NCOR1: variants seen among roughly 807,000 people sequenced by gnomAD.
The protein encoded by NCOR1 is protein phosphatase 1, regulatory subunit 109.
A neutral mutation model predicts 288.1 loss-of-function variants in NCOR1; 63 were observed. The observed-to-expected ratio is 0.22, with a 90% confidence interval of 0.18 to 0.27. The LOEUF is 0.27. NCOR1 is among the 10% of genes least tolerant of loss of function. NCOR1 has a pLI of 1.00. For missense variants in NCOR1, 2,397 were observed against 3,019.2 expected (o/e 0.79, Z 4.83); for synonymous variants, 1,007 against 1,065.9 (o/e 0.94, Z 1.08).
chr17:16,119,255 T>C (rs554022504), intron 17 of NCOR1, among the ~76,000 whole-genome samples, 168 bp downstream of exon 17: 6 of 152,316 alleles, frequency 3.9e-5, no homozygotes, highest in East Asian at 1.9e-4. Flanking sequence ...GGGTACTTTA[T>C]TGGGTACCAT....
chr17:16,101,764 AAGG>A lies in NCOR1; in HGVS notation c.2183-10_2183-8del, dbSNP rs779709106. On this transcript the variant is annotated splice_polypyrimidine_tract_variant and splice_region_variant and intron_variant, in intron 19 of 45. Coordinates refer to ENST00000268712, the MANE Select transcript of NCOR1 (RefSeq NM_006311.4). ...CTGGGCTTGACAGCTTCAACTGGTG[AAGG>A]AGAAGGAGCACTTTCTGTATCAGAA... is the stretch of plus-strand genomic sequence containing the variant. 2 of 1,613,978 alleles carry A rather than the reference AAGG, an allele frequency of 1.2e-6. No individual in the cohort carries two copies. The highest frequency in any genetic ancestry group is 1.3e-5 in the African/African-American group (1 of 74,932).
chr17:16,127,660 CATATATGTAT>C (rs2074874103), intron 14 of NCOR1, among the ~76,000 whole-genome samples: 1 of 139,492 alleles, frequency 7.2e-6, no homozygotes. Context: ...TGTATATATA[CATATATGTAT>C]ATATGTGTAT....
intron 14 of NCOR1, among the ~76,000 whole-genome samples, chr17:16,129,876 A>G (rs2153224035): frequency 6.6e-6 from 1 of 152,338 alleles, no homozygotes; most frequent in Non-Finnish European, 1.5e-5. Context: ...TTCTGCTTCT[A>G]ATGCCAATCA....
intron 10 of NCOR1, among the ~76,000 whole-genome samples, chr17:16,144,293 T>C (rs1307869044): frequency 6.6e-6 from 1 of 152,220 alleles, no homozygotes; most frequent in Non-Finnish European, 1.5e-5. Flanking sequence ...TTACTCACTG[T>C]CATGTCCAAA....
intron 3 of NCOR1, among the ~76,000 whole-genome samples, chr17:16,176,896 T>C (rs7220699): frequency 0.05 from 7,569 of 152,076 alleles, 282 homozygotes; most frequent in African/African-American, 0.094. Context: ...AAGATATGTT[T>C]TATCAATCTG....
chr17:16,181,556 A>T (rs1275308433), intron 3 of NCOR1, among the ~76,000 whole-genome samples: 1 of 152,180 alleles, frequency 6.6e-6, no homozygotes, highest in Admixed American at 6.6e-5. Context: ...TAAAGTTAAT[A>T]CAATTGTATT....
At chr17:16,158,602 C>T (rs1302180472) in intron 6 of NCOR1, among the ~76,000 whole-genome samples, 158 bp downstream of exon 6, 2 of 151,948 alleles carry the variant, frequency 1.3e-5, no homozygotes, top group African/African-American at 4.8e-5. Flanking sequence ...AGGAAAAAAA[C>T]ACCAAGCTTC....
chr17:16,201,851 A>T (rs2090855107), intron 1 of NCOR1, among the ~76,000 whole-genome samples: 1 of 152,218 alleles, frequency 6.6e-6, no homozygotes, highest in Non-Finnish European at 1.5e-5. Context: ...GCACTTTGGG[A>T]GGCAGAGGCA....
chr17:16,035,621 A>G (rs1342567767), intron 44 of NCOR1, among the ~76,000 whole-genome samples: 2 of 150,692 alleles, frequency 1.3e-5, no homozygotes, highest in African/African-American at 4.9e-5. Context: ...CCAGCTCACT[A>G]AAGCCTCAAC....
At chr17:16,112,251 C>G (rs562701320) in intron 18 of NCOR1, among the ~76,000 whole-genome samples, 2 of 152,310 alleles carry the variant, frequency 1.3e-5, no homozygotes, top group African/African-American at 4.8e-5. Flanking sequence ...CTCCTGAAGT[C>G]AAGTCTTTAT....
At chr17:16,094,621 G>C (rs964652476) in intron 21 of NCOR1, among the ~76,000 whole-genome samples, 4 of 151,936 alleles carry the variant, frequency 2.6e-5, no homozygotes, top group African/African-American at 9.7e-5. Context: ...CCGAGCCAAA[G>C]CTGGACTGTG....
Position 16,091,016 on chromosome 17 carries a change from A to G in NCOR1, c.3016+847T>C, listed in dbSNP as rs78137221. Among the ~76,000 whole-genome samples the G allele has an allele frequency of 6.5e-3, 985 of 152,334 alleles. 14 individuals are homozygous for G. The highest frequency in any genetic ancestry group is 0.023 in the African/African-American group (952 of 41,582). ...CATTCTTAACCAGAAACATGTGCCA[A>G]TTCTTCTAACCATGTCAGAAGAATG... On this transcript the variant is annotated intron_variant, in intron 22 of 45. Transcript: ENST00000268712.
At chr17:16,122,812 T>G (rs908732194) in intron 15 of NCOR1, among the ~76,000 whole-genome samples, 4 of 152,160 alleles carry the variant, frequency 2.6e-5, no homozygotes, top group African/African-American at 7.2e-5. Context: ...AATTTTTGTA[T>G]TTTTTGCAGA....
intron 1 of NCOR1, among the ~76,000 whole-genome samples, chr17:16,214,630 A>G (rs1015018114): frequency 7.2e-5 from 11 of 152,174 alleles, no homozygotes; most frequent in Admixed American, 1.3e-4. Flanking sequence ...GTTTTCGTCC[A>G]TATCACTTAT....
chr17:16,177,223 TATC>T (rs1847843136), intron 3 of NCOR1, among the ~76,000 whole-genome samples: 1 of 152,078 alleles, frequency 6.6e-6, no homozygotes. Context: ...CTGGCTGTCT[TATC>T]ATTTTGTTTT....
intron 20 of NCOR1, among the ~76,000 whole-genome samples, 199 bp downstream of exon 20, chr17:16,101,051 A>T (rs2067531352): frequency 1.3e-5 from 2 of 152,246 alleles, no homozygotes; most frequent in Admixed American, 1.3e-4. Context: ...AGAAATGTAT[A>T]ATCTGTTTCA....
intron 11 of NCOR1, among the ~76,000 whole-genome samples, chr17:16,141,407 C>G (rs1281976830): frequency 6.6e-6 from 1 of 152,116 alleles, no homozygotes; most frequent in Admixed American, 6.5e-5. Flanking sequence ...TAAGAACAAT[C>G]TGAGAAGTAA....
Position 16,067,944 on chromosome 17 carries a change from A to T in NCOR1, c.4691T>A (p.Leu1564Gln). 1 of 1,614,220 alleles carries T rather than the reference A, an allele frequency of 6.2e-7. No individual in the cohort carries two copies. The highest frequency in any genetic ancestry group is 1.7e-4 in the Middle Eastern group (1 of 6,042). ...CATGGCTGGATCCAAGTGCGTGGGC[A>T]GGTGGCTCCGATAAACCTCGCCTGC... ...STAGEVYRSH[L>Q]PTHLDPAMPF... is the part of the protein sequence containing the mutation. The change falls in exon 32 of 46, where the codon CTG becomes CAG. Residue 1564 changes from leucine (L) to glutamine (Q), a missense_variant. Physicochemically the swap from Leu to Gln is moderately radical, Grantham distance 113. Around this residue, in one of 11 missense-constraint regions of NCOR1, gnomAD observed 1,872 missense variants for 2,187.8 expected, o/e 0.86. Transcript: ENST00000268712.
At chr17:16,152,240 G>T (rs1433638522) in intron 7 of NCOR1, among the ~76,000 whole-genome samples, 1 of 152,064 alleles carries the variant, frequency 6.6e-6, no homozygotes, top group South Asian at 2.1e-4. Flanking sequence ...GTGCTGTGTT[G>T]GTTTGCTGCA....
Sources: gnomAD v4.1 joint callset for allele counts (sites outside exome capture counted in the v4.1 genomes callset) on GRCh38, gnomAD v4.1.1 for gene constraint, gnomAD v4.1.1 regional missense constraint, MANE v1.5 for transcripts, NCBI Gene and HGNC (gene_info 2026-07-23, HGNC 2026-07-21) for gene names.